The following AP1S3 variants were observed in gnomAD, a reference collection of about 807,000 sequenced individuals.
The protein encoded by AP1S3 is adaptor related protein complex 1 subunit sigma 3.
A neutral mutation model predicts 20.9 loss-of-function variants in AP1S3; 10 were observed. The ratio of observed to expected loss-of-function variants is 0.48; its 90% CI spans 0.29 to 0.81. The LOEUF is 0.81. Ranked by LOEUF, AP1S3 falls within the 30% of genes least tolerant of loss-of-function variation. The pLI is 0.08. For synonymous variants in AP1S3, 41 were observed against 61.5 expected (o/e 0.67, Z 1.56); for missense variants, 154 against 183.8 (o/e 0.84, Z 0.94).
intron 1 of AP1S3, among the ~76,000 whole-genome samples, chr2:223,801,317 A>G (rs1691460901): frequency 6.6e-6 from 1 of 152,218 alleles, no homozygotes; most frequent in Non-Finnish European, 1.5e-5. Context: ...CTTTGATTCC[A>G]GAGCCCATTC....
chr2:223,819,542 T>G (rs990099072), intron 1 of AP1S3, among the ~76,000 whole-genome samples: 9 of 152,040 alleles, frequency 5.9e-5, no homozygotes, highest in African/African-American at 2.2e-4. Flanking sequence ...AAAATTGACA[T>G]TTAATTATAT....
At chr2:223,764,786 T>C (rs1237532071) in intron 4 of AP1S3, among the ~76,000 whole-genome samples, 3 of 152,232 alleles carry the variant, frequency 2.0e-5, no homozygotes, top group Non-Finnish European at 4.4e-5. Flanking sequence ...TTTTTATACA[T>C]CTCATAAAAT....
rs185713901 is a variant in AP1S3 at position 223,809,639 on chromosome 2, G to A, written c.3+27809C>T. Among the ~76,000 whole-genome samples, 336 of 151,586 alleles carry A rather than the reference G, an allele frequency of 2.2e-3. 2 individuals are homozygous for A. Among genetic ancestry groups the A allele is most frequent in the Middle Eastern group, 0.014 (4 of 292 alleles). On this transcript the variant is annotated intron_variant, in intron 1 of 4. Coordinates refer to ENST00000396654, the MANE Select transcript of AP1S3 (RefSeq NM_001039569.2). Reference sequence around the variant, plus strand: ...AGCCTGGGGGACAGAGTGAGACTCCGTTTCAAAACAAAAACAAAAACAAAA... The same window carrying A: ...AGCCTGGGGGACAGAGTGAGACTCCATTTCAAAACAAAAACAAAAACAAAA...
chr2:223,778,853 T>C (rs934065368), intron 1 of AP1S3, among the ~76,000 whole-genome samples: 2 of 151,990 alleles, frequency 1.3e-5, no homozygotes, highest in East Asian at 1.9e-4. Flanking sequence ...CACGCCACCA[T>C]GCTCAGCTAA....
intron 1 of AP1S3, among the ~76,000 whole-genome samples, chr2:223,805,784 A>T (rs73991871): frequency 0.092 from 13,929 of 152,160 alleles, 760 homozygotes; most frequent in South Asian, 0.18. Context: ...CTTTTGCTTT[A>T]TTCTTTTTTA....
At chr2:223,768,467 C>A (rs941975784) in intron 3 of AP1S3, among the ~76,000 whole-genome samples, 4 of 152,166 alleles carry the variant, frequency 2.6e-5, no homozygotes, top group African/African-American at 9.7e-5. Flanking sequence ...GAGTTCAGGG[C>A]AGAAACTTTG....
chr2:223,793,192 C>T (rs545856067), intron 1 of AP1S3, among the ~76,000 whole-genome samples: 163 of 152,186 alleles, frequency 1.1e-3, no homozygotes, highest in Non-Finnish European at 1.6e-3. Context: ...CAGGCAGAAA[C>T]GCCAATTGAC....
rs1187549625 is a variant in AP1S3, at chr2:223,837,488, G to GGAGCGCTGGAGAAGCGAGGGCGAGAGGC, written c.-66_-39dup. 6.3e-6 allele frequency: 8 copies of GGAGCGCTGGAGAAGCGAGGGCGAGAGGC among 1,273,890 alleles called. No individual in the cohort carries two copies. The African/African-American group carries it at 1.2e-4, about 20-fold the overall frequency. 78.9% of individuals were successfully genotyped at this position (1,273,890 alleles called of 1,614,324 possible). On this transcript the variant is annotated 5_prime_UTR_variant, in exon 1 of 5. Transcript: ENST00000396654. Reference sequence around the variant, plus strand: ...GCCGCCTCCCCCGCCTTGCGAGCAAGGAGCGCTGGAGAAGCGAGGGCGAGA... The same window carrying GGAGCGCTGGAGAAGCGAGGGCGAGAGGC: ...GCCGCCTCCCCCGCCTTGCGAGCAAGGAGCGCTGGAGAAGCGAGGGCGAGAGGCGAGCGCTGGAGAAGCGAGGGCGAGA...
At chr2:223,776,189 C>A in intron 2 of AP1S3, 180 bp from the exon 3 acceptor site, 1 of 694,916 alleles carries the variant, frequency 1.4e-6, no homozygotes, top group Non-Finnish European at 2.7e-6. Flanking sequence ...TATGAAAATT[C>A]TGTGGGGGTT....
intron 1 of AP1S3, among the ~76,000 whole-genome samples, chr2:223,835,252 T>C (rs181415099): frequency 6.6e-6 from 1 of 152,352 alleles, no homozygotes; most frequent in Non-Finnish European, 1.5e-5. Flanking sequence ...GTAGCTAAAA[T>C]GCAATGAGCA....
intron 1 of AP1S3, among the ~76,000 whole-genome samples, chr2:223,801,107 A>G (rs930069782): frequency 6.6e-6 from 1 of 152,252 alleles, no homozygotes; most frequent in South Asian, 2.1e-4. Context: ...AGACCTATGT[A>G]TAACAGTCGA....
intron 1 of AP1S3, among the ~76,000 whole-genome samples, chr2:223,837,033 T>C (rs1192787927): frequency 6.6e-6 from 1 of 152,100 alleles, no homozygotes; most frequent in African/African-American, 2.4e-5. Context: ...CAGCGCTTCT[T>C]ACTTTAGAAG....
chr2:223,790,919 A>C (rs1427648760), intron 1 of AP1S3, among the ~76,000 whole-genome samples: 1 of 152,208 alleles, frequency 6.6e-6, no homozygotes, highest in Non-Finnish European at 1.5e-5. Flanking sequence ...GAAAATCTAG[A>C]AGAGATGGAT....
At chr2:223,780,355 A>AGTGTGTGTGT (rs1559280876) in intron 1 of AP1S3, among the ~76,000 whole-genome samples, 16 of 54,970 alleles carry the variant, frequency 2.9e-4, no homozygotes, top group East Asian at 2.6e-3. Flanking sequence ...AGAGAGAGAG[A>AGTGTGTGTGT]GAGTGTGTGT....
chr2:223,780,222 C>T (rs1346847373), intron 1 of AP1S3, among the ~76,000 whole-genome samples: 1 of 147,078 alleles, frequency 6.8e-6, no homozygotes, highest in Non-Finnish European at 1.5e-5. Flanking sequence ...GCGATCCTCC[C>T]ACCTCAGCCT....
At position 223,780,395 on chromosome 2, in the gene AP1S3, TG is replaced by T. The variant is rs1287700247; in HGVS notation, c.4-2527del. Among the ~76,000 whole-genome samples the T allele has an allele frequency of 4.6e-3, 673 of 144,962 alleles. 13 individuals carry two copies. The highest frequency in any genetic ancestry group is 0.016 in the African/African-American group (594 of 37,790). On this transcript the variant is annotated intron_variant, in intron 1 of 4. Transcript: ENST00000396654. ...GTGTGTGTGTGTGTGTGTGTGTGTG[TG>T]TTTTGTAGAGACGAGGTCTCCCTAT... is the stretch of plus-strand genomic sequence containing the variant.
At chr2:223,832,135 C>CTCTCTG (rs1327430961) in intron 1 of AP1S3, among the ~76,000 whole-genome samples, 4 of 70,782 alleles carry the variant, frequency 5.7e-5, no homozygotes, top group African/African-American at 1.7e-4. Context: ...AGTTTTCTCT[C>CTCTCTG]TGTGTGTGTG....
intron 3 of AP1S3, among the ~76,000 whole-genome samples, chr2:223,769,709 G>A (rs1690563733): frequency 6.8e-6 from 1 of 147,226 alleles, no homozygotes; most frequent in African/African-American, 2.5e-5. Flanking sequence ...AAAGAAAGTT[G>A]CAGAATAATA....
chr2:223,835,183 C>A (rs942171940), intron 1 of AP1S3, among the ~76,000 whole-genome samples: 1 of 149,614 alleles, frequency 6.7e-6, no homozygotes, highest in African/African-American at 2.5e-5. Context: ...TTCAAATGGG[C>A]AAACTGAGAC....
Sources: allele counts gnomAD v4.1 joint callset (sites outside exome capture counted in the v4.1 genomes callset), GRCh38; gene constraint gnomAD v4.1.1; transcripts MANE v1.5; gene names NCBI Gene and HGNC (gene_info 2026-07-23, HGNC 2026-07-21).